Variants in CNRIP1 observed in about 807,000 individuals in gnomAD.
The protein encoded by CNRIP1 is cannabinoid receptor interacting protein 1.
In CNRIP1, 10 loss-of-function variants were observed where a neutral mutation model predicts 15.2. That is an observed-to-expected ratio of 0.66 (90% CI 0.41 to 1.12). CNRIP1 has a LOEUF of 1.12. Among genes scored for constraint, CNRIP1 ranks in the 50% most tolerant of loss-of-function variants. CNRIP1 has a pLI of 0.00. For missense variants in CNRIP1, 211 were observed against 214.7 expected (o/e 0.98, Z 0.11); for synonymous variants, 91 against 83.2 (o/e 1.09, Z -0.51).
At chr2:68,300,859 T>C (rs1272011164) in intron 2 of CNRIP1, among the ~76,000 whole-genome samples, 2 of 152,188 alleles carry the variant, frequency 1.3e-5, no homozygotes, top group Non-Finnish European at 2.9e-5. Context: ...TTCAACAAAA[T>C]GGACAAGTTC....
At chr2:68,304,471 G>A (rs1199393045) in intron 2 of CNRIP1, among the ~76,000 whole-genome samples, 1 of 151,962 alleles carries the variant, frequency 6.6e-6, no homozygotes, top group Non-Finnish European at 1.5e-5. Flanking sequence ...TTAAGAAAAA[G>A]GTCTGCGGTC....
chr2:68,288,836 A>C (rs1671094618), downstream of CNRIP1, among the ~76,000 whole-genome samples: 1 of 152,226 alleles, frequency 6.6e-6, no homozygotes, highest in Non-Finnish European at 1.5e-5. Flanking sequence ...GCAGGTAATG[A>C]GGTGATTTTA....
At chr2:68,306,217 G>A (rs1006986301) in intron 2 of CNRIP1, among the ~76,000 whole-genome samples, 5 of 147,918 alleles carry the variant, frequency 3.4e-5, no homozygotes, top group Admixed American at 1.4e-4. Context: ...TGGGAGAACC[G>A]CTTGAGTCTG....
In CNRIP1 at chr2:68,317,443, A is replaced by T. The variant is rs1004838238; in HGVS notation, c.180-136T>A. 3 of 835,710 alleles carry T rather than the reference A, an allele frequency of 3.6e-6. No individual in the cohort carries two copies. In the South Asian group the frequency reaches 5.1e-5, roughly 14 times the overall value. The allele number at this position is 835,710 out of a possible 1,614,324, so 51.8% of individuals were successfully genotyped here. The stretch of plus-strand genomic sequence containing the variant: ...ATTGTGGTGCGGGAGAAAGTTCTGC[A>T]AGTTCAGGGGGCAGTGCTTCTCCTA... On this transcript the variant is annotated intron_variant, in intron 1 of 2. Coordinates refer to ENST00000263655, the MANE Select transcript of CNRIP1 (RefSeq NM_015463.3).
chr2:68,306,747 C>T (rs1188378200), intron 2 of CNRIP1, among the ~76,000 whole-genome samples: 2 of 149,628 alleles, frequency 1.3e-5, no homozygotes, highest in Non-Finnish European at 2.9e-5. Context: ...CACCATTGTA[C>T]CACAGCATGG....
intron 1 of CNRIP1, among the ~76,000 whole-genome samples, chr2:68,317,820 T>C (rs1263860679): frequency 6.6e-6 from 1 of 152,146 alleles, no homozygotes; most frequent in African/African-American, 2.4e-5. Flanking sequence ...TAGACTAAAC[T>C]AGAACTTCTA....
chr2:68,305,173 GGC>G (rs1345247316), intron 2 of CNRIP1, among the ~76,000 whole-genome samples: 5 of 150,750 alleles, frequency 3.3e-5, no homozygotes, highest in African/African-American at 1.2e-4. Flanking sequence ...GAACCCGGGA[GGC>G]AGAGGTTGCG....
At position 68,305,244 on chromosome 2, in the gene CNRIP1, C is replaced by CAAAAAA. The variant is rs60243249; in HGVS notation, c.331-11224_331-11219dup. On this transcript the variant is annotated intron_variant, in intron 2 of 2. Coordinates refer to ENST00000263655, the MANE Select transcript of CNRIP1 (RefSeq NM_015463.3). ...GGGCAACAAGAGTGAAACTCCGTCT[C>CAAAAAA]AAAAAAAAAAAAAAAATATATATAT... 2.9e-3 allele frequency among the ~76,000 whole-genome samples: 270 copies of CAAAAAA among 91,620 alleles called. 2 individuals are homozygous for CAAAAAA. Among genetic ancestry groups the CAAAAAA allele is most frequent in the African/African-American group, 9.1e-3 (233 of 25,640 alleles). 60.1% of individuals were successfully genotyped at this position (91,620 alleles called of 152,430 possible).
chr2:68,292,860 G>A, downstream of CNRIP1: 5 of 301,554 alleles, frequency 1.7e-5, no homozygotes, highest in Non-Finnish European at 2.4e-5. Flanking sequence ...CCTGCTAAAA[G>A]GTCAGGCTTG....
chr2:68,300,527 G>A (rs1159839554), intron 2 of CNRIP1, among the ~76,000 whole-genome samples: 2 of 152,080 alleles, frequency 1.3e-5, no homozygotes, highest in African/African-American at 4.8e-5. Context: ...TGAGGCAGGA[G>A]AATTGCTTGA....
chr2:68,293,201 C>T lies in CNRIP1; in HGVS notation c.*661G>A. 1.0e-6 allele frequency: 1 copy of T among 985,478 alleles called. No individual in the cohort carries two copies. Among genetic ancestry groups the T allele is most frequent in the Non-Finnish European group, 1.2e-6 (1 of 829,968 alleles). The allele number at this position is 985,478 out of a possible 1,614,324, so 61.0% of individuals were successfully genotyped here. A position where few individuals can be genotyped will look rare whatever the true frequency, so the allele number is the denominator to read the frequency against. ...ATGGTCCACAGCAATGCTTTTCCCC[C>T]ATTTCTACTAGGCTAGGCCATTGCA... is the stretch of plus-strand genomic sequence containing the variant. On this transcript the variant is annotated 3_prime_UTR_variant, in exon 3 of 3. Transcript: ENST00000263655.
chr2:68,308,863 C>T (rs1250747070), intron 2 of CNRIP1, among the ~76,000 whole-genome samples: 1 of 151,946 alleles, frequency 6.6e-6, no homozygotes, highest in African/African-American at 2.4e-5. Flanking sequence ...TGCCTCTCCC[C>T]ACCCCTTTCA....
chr2:68,319,120 C>G, intron 1 of CNRIP1, 102 bp downstream of exon 1: 1 of 1,239,794 alleles, frequency 8.1e-7, no homozygotes, highest in Non-Finnish European at 1.1e-6. Flanking sequence ...GGGAGCGGCG[C>G]GAGGCCAGAG....
intron 1 of CNRIP1, among the ~76,000 whole-genome samples, chr2:68,317,948 G>GA (rs1672335608): frequency 2.7e-5 from 4 of 149,278 alleles, no homozygotes; most frequent in Middle Eastern, 7.0e-3. Context: ...AATGTAACCA[G>GA]AAAAAATAGT....
At chr2:68,294,107 TC>T (rs1671260489) in intron 2 of CNRIP1, 81 bp from the exon 3 acceptor site, 7 of 1,433,424 alleles carry the variant, frequency 4.9e-6, no homozygotes, top group Non-Finnish European at 6.7e-6. Flanking sequence ...GTGATGTAGC[TC>T]CTGGATAATC....
At chr2:68,310,540 T>C (rs558863058) in intron 2 of CNRIP1, among the ~76,000 whole-genome samples, 24 of 152,220 alleles carry the variant, frequency 1.6e-4, no homozygotes, top group African/African-American at 4.8e-4. Context: ...TGCTGGAAGA[T>C]AGAATTTGAA....
intron 2 of CNRIP1, among the ~76,000 whole-genome samples, chr2:68,312,205 C>T (rs965575525): frequency 1.3e-5 from 2 of 151,962 alleles, no homozygotes; most frequent in African/African-American, 4.8e-5. Flanking sequence ...CCCCCCGGAA[C>T]ATAGATGTCA....
chr2:68,315,646 G>A (rs1040860735), intron 2 of CNRIP1, among the ~76,000 whole-genome samples: 2 of 151,928 alleles, frequency 1.3e-5, no homozygotes, highest in African/African-American at 4.8e-5. Flanking sequence ...ATGTATACAA[G>A]TAGAAAAAAG....
chr2:68,319,119 G>T, intron 1 of CNRIP1, 103 bp downstream of exon 1: 2 of 1,227,310 alleles, frequency 1.6e-6, no homozygotes, highest in Non-Finnish European at 1.1e-6. Context: ...TGGGAGCGGC[G>T]CGAGGCCAGA....
Sources: gnomAD v4.1 joint callset for allele counts (sites outside exome capture counted in the v4.1 genomes callset) on GRCh38, gnomAD v4.1.1 for gene constraint, MANE v1.5 for transcripts, NCBI Gene and HGNC (gene_info 2026-07-23, HGNC 2026-07-21) for gene names.